ASIC2: variants seen among roughly 807,000 people sequenced by gnomAD.
The protein encoded by ASIC2 is acid-sensing ion channel 2.
In ASIC2, 25 loss-of-function variants were observed where a neutral mutation model predicts 57.3. That is an observed-to-expected ratio of 0.44 (90% CI 0.32 to 0.61). ASIC2 has a LOEUF of 0.61. ASIC2 is among the 20% of genes least tolerant of loss of function. The pLI is 0.06. For missense variants in ASIC2, 641 were observed against 738.1 expected, an observed-to-expected ratio of 0.87 and a Z score of 1.52; for synonymous variants, 319 against 307.5, an observed-to-expected ratio of 1.04 and a Z score of -0.39.
intron 1 of ASIC2, chr17:33,980,916 T>C (rs1274161397): frequency 1.3e-5 from 2 of 150,534 alleles, no homozygotes; most frequent in East Asian, 3.9e-4. Flanking sequence ...TAATCCTGCT[T>C]TCTCCCCATC....
intron 1 of ASIC2, among the ~76,000 whole-genome samples, chr17:34,041,683 C>G (rs1005862627): frequency 6.6e-6 from 1 of 152,204 alleles, no homozygotes; most frequent in Non-Finnish European, 1.5e-5. Flanking sequence ...TCCCCCCTCT[C>G]AGTGGGGCTA....
At chr17:33,643,798 T>A (rs72811181) in intron 1 of ASIC2, among the ~76,000 whole-genome samples, 1 of 152,188 alleles carries the variant, frequency 6.6e-6, no homozygotes, top group South Asian at 2.1e-4. Flanking sequence ...AAGCATTGAC[T>A]TGGGGCCTGC....
intron 1 of ASIC2, among the ~76,000 whole-genome samples, chr17:33,695,933 G>A (rs746735186): frequency 7.2e-5 from 11 of 152,044 alleles, no homozygotes; most frequent in Non-Finnish European, 1.0e-4. Context: ...CATAATGTAC[G>A]TATTATTCTG....
chr17:34,090,160 G>T (rs1910273472), intron 1 of ASIC2, among the ~76,000 whole-genome samples: 1 of 152,136 alleles, frequency 6.6e-6, no homozygotes, highest in South Asian at 2.1e-4. Context: ...GGAGGGCTAG[G>T]GGGATGTGGT....
chr17:34,059,172 CTG>C (rs1206256541), intron 1 of ASIC2, among the ~76,000 whole-genome samples: 1 of 152,194 alleles, frequency 6.6e-6, no homozygotes, highest in Non-Finnish European at 1.5e-5. Context: ...ACCCCAAATA[CTG>C]TGAGTGCTCT....
chr17:33,104,104 C>T (rs1335789493), intron 2 of ASIC2, among the ~76,000 whole-genome samples: 4 of 152,170 alleles, frequency 2.6e-5, no homozygotes, highest in African/African-American at 4.8e-5. Flanking sequence ...GATTGCCACT[C>T]GTCCATCTAC....
chr17:33,657,199 C>T (rs1450702217), intron 1 of ASIC2, among the ~76,000 whole-genome samples: 2 of 152,206 alleles, frequency 1.3e-5, no homozygotes, highest in Non-Finnish European at 2.9e-5. Context: ...TGGGCACACA[C>T]AACCCAGTCT....
At chr17:33,315,960 A>G (rs1906627625) in intron 1 of ASIC2, among the ~76,000 whole-genome samples, 1 of 152,188 alleles carries the variant, frequency 6.6e-6, no homozygotes, top group Admixed American at 6.5e-5. Flanking sequence ...CCTCTGCAAC[A>G]TGGAACTGAT....
chr17:33,440,526 G>T (rs942482769), intron 1 of ASIC2, among the ~76,000 whole-genome samples: 11 of 152,164 alleles, frequency 7.2e-5, no homozygotes, highest in African/African-American at 2.7e-4. Flanking sequence ...AACTTCCGAG[G>T]AAGTGCCAAA....
rs1269347523 is a variant in ASIC2, at chr17:34,156,442, G to A, written c.91C>T (p.His31Tyr). The A allele has an allele frequency of 6.2e-7, 1 of 1,614,202 alleles. No individual in the cohort carries two copies. Among genetic ancestry groups the A allele is most frequent in the East Asian group, 2.2e-5 (1 of 44,856 alleles). Reference sequence around the variant, plus strand: ...GTCAGCGGCCCATACACGAAGATGTGGCGGATGCCATGGAGGGTGGAGGTG... The same window carrying A: ...GTCAGCGGCCCATACACGAAGATGTAGCGGATGCCATGGAGGGTGGAGGTG... Residue 31 changes from histidine (H) to tyrosine (Y), a missense_variant, in exon 1 of 10, where the codon CAC becomes TAC. Coordinates refer to the ASIC2 transcript ENST00000359872. The surrounding 1 kb of genome is among the most constrained non-coding windows in gnomAD (Gnocchi z 4.4).
intron 1 of ASIC2, among the ~76,000 whole-genome samples, chr17:33,684,947 C>T (rs1338866124): frequency 6.6e-6 from 1 of 152,170 alleles, no homozygotes; most frequent in African/African-American, 2.4e-5. Context: ...GAAGTCTAGG[C>T]ATGAGACAGA....
chr17:33,940,506 C>T, intron 1 of ASIC2, among the ~76,000 whole-genome samples: 1 of 152,170 alleles, frequency 6.6e-6, no homozygotes, highest in Non-Finnish European at 1.5e-5. Context: ...AACCCCCTCC[C>T]TCCCTCCTTC....
intron 1 of ASIC2, among the ~76,000 whole-genome samples, chr17:33,996,909 G>A (rs1906178737): frequency 6.6e-6 from 1 of 152,098 alleles, no homozygotes; most frequent in African/African-American, 2.4e-5. Flanking sequence ...ATTGGAATTT[G>A]GATAGGGATT....
chr17:33,097,006 A>G (rs978994439), intron 2 of ASIC2, among the ~76,000 whole-genome samples: 6 of 152,160 alleles, frequency 3.9e-5, no homozygotes, highest in Admixed American at 6.5e-5. Context: ...CATTTTACAG[A>G]CAGGGAAACA....
chr17:33,164,039 C>T (rs981511004), intron 1 of ASIC2, among the ~76,000 whole-genome samples: 1 of 152,328 alleles, frequency 6.6e-6, no homozygotes, highest in South Asian at 2.1e-4. Flanking sequence ...GAGCATCTTG[C>T]TCAATGTCCC....
chr17:33,661,060 G>C (rs1333062183), intron 1 of ASIC2, among the ~76,000 whole-genome samples: 1 of 152,050 alleles, frequency 6.6e-6, no homozygotes, highest in African/African-American at 2.4e-5. Context: ...CTCTGACTCT[G>C]TTTGACCCAG....
intron 1 of ASIC2, among the ~76,000 whole-genome samples, chr17:33,649,099 C>T (rs907683537): frequency 6.6e-6 from 1 of 152,086 alleles, no homozygotes; most frequent in Non-Finnish European, 1.5e-5. Context: ...GCATACATGT[C>T]AGAAAGGAAG....
At chr17:33,569,909 C>G (rs1394462433) in intron 1 of ASIC2, among the ~76,000 whole-genome samples, 2 of 152,174 alleles carry the variant, frequency 1.3e-5, no homozygotes, top group African/African-American at 4.8e-5. Context: ...CTGATCATAT[C>G]TATATGAACC....
intron 1 of ASIC2, among the ~76,000 whole-genome samples, chr17:33,867,895 C>G (rs1475773228): frequency 2.6e-5 from 4 of 152,222 alleles, no homozygotes; most frequent in African/African-American, 9.6e-5. Flanking sequence ...CCTCTGAAAG[C>G]TAAGCAGGGA....
Sources: gnomAD v4.1 joint callset for allele counts (sites outside exome capture counted in the v4.1 genomes callset) on GRCh38, gnomAD v4.1.1 for gene constraint, Gnocchi (gnomAD v3.1) non-coding constraint, MANE v1.5 for transcripts, NCBI Gene and HGNC (gene_info 2026-07-23, HGNC 2026-07-21) for gene names.